ADGRB3: variants seen among roughly 807,000 people sequenced by gnomAD.
The protein encoded by ADGRB3 is brain-specific angiogenesis inhibitor 3.
ADGRB3 carries 37 observed loss-of-function variants against 193.4 expected under a neutral mutation model. The observed-to-expected ratio is 0.19, with a 90% CI of 0.15 to 0.25. The LOEUF (loss-of-function observed/expected upper bound fraction) is 0.25. Ranked by LOEUF, ADGRB3 falls within the 10% of genes least tolerant of loss-of-function variation. The pLI, the probability that ADGRB3 is intolerant of heterozygous loss-of-function variation, is 1.00. For missense variants in ADGRB3, 1,637 were observed against 1,852.9 expected (o/e 0.88, Z 2.14); for synonymous variants, 690 against 644.2 (o/e 1.07, Z -1.08).
intron 17 of ADGRB3, among the ~76,000 whole-genome samples, chr6:69,218,697 T>C (rs1414381393): frequency 6.6e-6 from 1 of 152,126 alleles, no homozygotes; most frequent in Non-Finnish European, 1.5e-5. Context: ...GCAAGTCTGG[T>C]AGCAAAATGA....
chr6:69,256,403 T>C (rs1230040010), intron 20 of ADGRB3, among the ~76,000 whole-genome samples: 2 of 152,164 alleles, frequency 1.3e-5, no homozygotes, highest in Non-Finnish European at 2.9e-5. Context: ...TAGTTCTCCT[T>C]GAAGAGGTCC....
chr6:68,809,290 T>G (rs1390318357), intron 3 of ADGRB3, among the ~76,000 whole-genome samples: 2 of 152,216 alleles, frequency 1.3e-5, no homozygotes, highest in Non-Finnish European at 2.9e-5. Flanking sequence ...AAGGTTCAAG[T>G]AATAAAATAA....
Position 69,185,032 on chromosome 6 carries a change from C to G in ADGRB3, c.2481-48258C>G, listed in dbSNP as rs77738714. 4.6e-3 allele frequency among the ~76,000 whole-genome samples: 705 copies of G among 152,236 alleles called. 5 individuals carry two copies. The highest frequency in any genetic ancestry group is 0.016 in the African/African-American group (674 of 41,564). The stretch of plus-strand genomic sequence containing the variant: ...ATTAGACTTATCAAAGAGTTCACAT[C>G]CTTAATTCATTATATTTTAATATTA... On this transcript the variant is annotated intron_variant, in intron 17 of 31. Coordinates refer to ENST00000370598, the MANE Select transcript of ADGRB3 (RefSeq NM_001704.3).
At chr6:68,694,116 A>G (rs1476514900) in intron 3 of ADGRB3, among the ~76,000 whole-genome samples, 1 of 152,024 alleles carries the variant, frequency 6.6e-6, no homozygotes, top group Non-Finnish European at 1.5e-5. Context: ...AATTAGATGC[A>G]TATTAATCAC....
chr6:69,215,694 A>G (rs570327993), intron 17 of ADGRB3, among the ~76,000 whole-genome samples: 351 of 152,242 alleles, frequency 2.3e-3, no homozygotes, highest in African/African-American at 8.0e-3. Flanking sequence ...GACAGGTTAA[A>G]AAAAAAATCA....
intron 3 of ADGRB3, among the ~76,000 whole-genome samples, chr6:68,896,194 C>G (rs1050069534): frequency 1.3e-5 from 2 of 152,052 alleles, no homozygotes; most frequent in Admixed American, 1.3e-4. Flanking sequence ...GACCTGACAG[C>G]TAATAATCAC....
intron 3 of ADGRB3, among the ~76,000 whole-genome samples, chr6:68,789,202 G>T (rs552174488): frequency 1.3e-5 from 2 of 152,160 alleles, no homozygotes; most frequent in South Asian, 4.1e-4. Flanking sequence ...TCATTATGAT[G>T]TTAGCTGGTT....
chr6:68,707,364 A>T (rs1765342810), intron 3 of ADGRB3, among the ~76,000 whole-genome samples: 1 of 151,388 alleles, frequency 6.6e-6, no homozygotes, highest in South Asian at 2.1e-4. Flanking sequence ...TACTTAAGAA[A>T]CTCCTTTTCG....
chr6:68,644,032 T>C (rs1768146852), intron 3 of ADGRB3, among the ~76,000 whole-genome samples: 1 of 150,730 alleles, frequency 6.6e-6, no homozygotes, highest in African/African-American at 2.4e-5. Context: ...AAAAAAACCC[T>C]GAGGCTTTCA....
chr6:69,219,461 G>GTGTATATATATATATATATATA (rs1491200940), intron 17 of ADGRB3, among the ~76,000 whole-genome samples: 6 of 98,966 alleles, frequency 6.1e-5, no homozygotes, highest in Admixed American at 2.1e-4. Flanking sequence ...ACACACACAC[G>GTGTATATATATATATATATATA]TATATATATA....
In ADGRB3 at chr6:68,639,297, G is replaced by C; in HGVS notation, c.622G>C (p.Asp208His). The change falls in exon 3 of 32, where the codon GAC becomes CAC. Residue 208 changes from aspartate (D) to histidine (H), a missense_variant. Physicochemically the swap from Asp to His is moderately conservative, Grantham distance 81. This residue lies in a region of ADGRB3 where 365 missense variants were observed against 409.8 expected (regional missense o/e 0.89). Coordinates refer to ENST00000370598, the MANE Select transcript of ADGRB3 (RefSeq NM_001704.3). ...TCAGCATTTGGGAGAGTGGGGGATC[G>C]ACGACCAGTCGCTGATTTTGTTAAA... Reference protein sequence around the residue: ...CPQHLGEWGIDDQSLILLNNV... With the variant: ...CPQHLGEWGIHDQSLILLNNV... The C allele has an allele frequency of 6.2e-7, 1 of 1,614,054 alleles. No homozygotes were observed. The highest frequency in any genetic ancestry group is 8.5e-7 in the Non-Finnish European group (1 of 1,180,012).
At chr6:69,296,143 C>T (rs1582612925) in intron 20 of ADGRB3, among the ~76,000 whole-genome samples, 2 of 152,056 alleles carry the variant, frequency 1.3e-5, no homozygotes, top group South Asian at 4.1e-4. Context: ...AAACATGGAA[C>T]CTTTTATCAT....
At chr6:69,133,353 T>C (rs556934773) in intron 17 of ADGRB3, among the ~76,000 whole-genome samples, 1 of 152,304 alleles carries the variant, frequency 6.6e-6, no homozygotes, top group South Asian at 2.1e-4. Flanking sequence ...CCTTGTAAGT[T>C]GTATTACTAG....
intron 3 of ADGRB3, among the ~76,000 whole-genome samples, chr6:68,919,699 A>T (rs1766983284): frequency 6.7e-6 from 1 of 150,050 alleles, no homozygotes; most frequent in Non-Finnish European, 1.5e-5. Context: ...CGGTTGTGGG[A>T]TGGGGAGGGC....
At chr6:69,203,469 C>A (rs985473090) in intron 17 of ADGRB3, among the ~76,000 whole-genome samples, 8 of 151,132 alleles carry the variant, frequency 5.3e-5, no homozygotes, top group African/African-American at 1.9e-4. Context: ...TTTCTCTTAC[C>A]CATATTTAAT....
rs577018970 is a variant in ADGRB3, at chr6:68,927,555, AT to A, written c.758-3002del. On this transcript the variant is annotated intron_variant, in intron 3 of 31. Transcript: ENST00000370598. ...TGCAAGGTATGGAGAGAACCATAAC[AT>A]TATCTGTTAAATCTTACTGTTAATA... Among the ~76,000 whole-genome samples the A allele has an allele frequency of 6.2e-4, 95 of 152,278 alleles. 4 individuals are homozygous for A. In the South Asian group the frequency reaches 0.019, roughly 30 times the overall value.
chr6:69,325,702 C>T (rs1323532671), intron 21 of ADGRB3, among the ~76,000 whole-genome samples: 3 of 152,138 alleles, frequency 2.0e-5, no homozygotes, highest in African/African-American at 7.2e-5. Context: ...ATAATATCTA[C>T]TGTATTAGAA....
intron 3 of ADGRB3, among the ~76,000 whole-genome samples, chr6:68,823,097 T>C (rs952856813): frequency 1.8e-4 from 27 of 152,024 alleles, no homozygotes; most frequent in African/African-American, 6.3e-4. Flanking sequence ...TGGAATATTA[T>C]GTAGCCACTA....
intron 28 of ADGRB3, among the ~76,000 whole-genome samples, chr6:69,358,102 C>A (rs1273697665): frequency 6.6e-6 from 1 of 151,802 alleles, no homozygotes; most frequent in Non-Finnish European, 1.5e-5. Context: ...CATTACAGTT[C>A]TCCTTGACAG....
Sources: gnomAD v4.1 joint callset for allele counts (sites outside exome capture counted in the v4.1 genomes callset) on GRCh38, gnomAD v4.1.1 for gene constraint, gnomAD v4.1.1 regional missense constraint, MANE v1.5 for transcripts, NCBI Gene and HGNC (gene_info 2026-07-23, HGNC 2026-07-21) for gene names.